Variants in VMP1 observed in about 807,000 individuals in gnomAD.
The protein encoded by VMP1 is vacuole membrane protein 1.
In VMP1, 11 loss-of-function variants were observed where a neutral mutation model predicts 56.0. The ratio of observed to expected loss-of-function variants is 0.20; its 90% CI spans 0.12 to 0.32. The LOEUF is 0.32. VMP1 is among the 10% of genes least tolerant of loss of function. The pLI is 1.00. For missense variants in VMP1, 296 were observed against 490.3 expected, an observed-to-expected ratio of 0.60 and a Z score of 3.74; for synonymous variants, 149 against 165.0, an observed-to-expected ratio of 0.90 and a Z score of 0.74.
chr17:59,767,032 G>T (rs1039103152), intron 6 of VMP1, among the ~76,000 whole-genome samples: 1 of 151,864 alleles, frequency 6.6e-6, no homozygotes, highest in Middle Eastern at 3.2e-3. Context: ...TCCACCAGGC[G>T]TGAGCCACCT....
chr17:59,802,507 A>G (rs1314091732), intron 7 of VMP1, among the ~76,000 whole-genome samples: 2 of 152,334 alleles, frequency 1.3e-5, no homozygotes, highest in East Asian at 3.9e-4. Context: ...TTAAACTTCC[A>G]TAACATATTA....
chr17:59,723,614 A>C (rs1220747311), intron 1 of VMP1, among the ~76,000 whole-genome samples: 1 of 152,230 alleles, frequency 6.6e-6, no homozygotes, highest in Admixed American at 6.5e-5. Context: ...TGGAGCCTGT[A>C]TATGTCGGCA....
chr17:59,803,094 A>G (rs1162259982), intron 7 of VMP1, among the ~76,000 whole-genome samples: 1 of 152,232 alleles, frequency 6.6e-6, no homozygotes, highest in Non-Finnish European at 1.5e-5. Context: ...CGTGAAAATG[A>G]AAATGTTTAC....
At chr17:59,742,679 A>AAC (rs2035271856) in intron 5 of VMP1, among the ~76,000 whole-genome samples, 1 of 152,068 alleles carries the variant, frequency 6.6e-6, no homozygotes, top group Non-Finnish European at 1.5e-5. Context: ...CTGGCCTGTT[A>AAC]GGAACCAGGC....
intron 7 of VMP1, among the ~76,000 whole-genome samples, chr17:59,776,501 G>A (rs1394587398): frequency 3.3e-5 from 5 of 152,138 alleles, no homozygotes; most frequent in Non-Finnish European, 4.4e-5. Context: ...TAAAAATCCA[G>A]TATTTAATAT....
At chr17:59,818,415 A>G (rs1390276357) in intron 10 of VMP1, among the ~76,000 whole-genome samples, 3 of 152,146 alleles carry the variant, frequency 2.0e-5, no homozygotes, top group African/African-American at 7.2e-5. Context: ...GTTAGATGGC[A>G]TAATATTAAC....
In VMP1 at chr17:59,719,179, G is replaced by A. The variant is rs558069060; in HGVS notation, c.-27+11431G>A. ...TTTAGGGAAATCTACAGCTATTTTGGAGTAGTCTAATCCAATTAAGAAAAG... is the reference window on the plus strand; with the variant it reads ...TTTAGGGAAATCTACAGCTATTTTGAAGTAGTCTAATCCAATTAAGAAAAG... On this transcript the variant is annotated intron_variant, in intron 1 of 11. Transcript: ENST00000262291. Among the ~76,000 whole-genome samples, 511 of 152,184 alleles carry A rather than the reference G, an allele frequency of 3.4e-3. 2 individuals are homozygous for A. The highest frequency in any genetic ancestry group is 4.4e-3 in the Non-Finnish European group (296 of 68,016).
intron 6 of VMP1, among the ~76,000 whole-genome samples, chr17:59,773,066 A>G (rs1005341310): frequency 1.4e-5 from 2 of 145,180 alleles, no homozygotes; most frequent in East Asian, 2.1e-4. Flanking sequence ...GGTTCAAGCA[A>G]TTTTCCTGCC....
At chr17:59,747,770 C>G (rs1297090907) in intron 5 of VMP1, among the ~76,000 whole-genome samples, 1 of 151,718 alleles carries the variant, frequency 6.6e-6, no homozygotes, top group Non-Finnish European at 1.5e-5. Flanking sequence ...GGGTGAACAC[C>G]TATCGTCCTA....
chr17:59,830,612 G>T lies in VMP1; in HGVS notation c.975-7683G>T, dbSNP rs1158533740. On this transcript the variant is annotated intron_variant, in intron 10 of 11. Transcript: ENST00000262291. ...CTATCGCCTCCTTACTAGAATTTAT[G>T]TCAGAATGTTTTTCAGGAGGGTAAA... Among the ~76,000 whole-genome samples, 6 of 152,200 alleles carry T rather than the reference G, an allele frequency of 3.9e-5. No individual in the cohort carries two copies. In the East Asian group the frequency reaches 9.6e-4, roughly 24 times the overall value.
At chr17:59,774,383 A>G (rs1265286785) in intron 7 of VMP1, among the ~76,000 whole-genome samples, 1 of 151,294 alleles carries the variant, frequency 6.6e-6, no homozygotes, top group Non-Finnish European at 1.5e-5. Context: ...ATCCCACTGT[A>G]CTCTGGCCTA....
intron 1 of VMP1, among the ~76,000 whole-genome samples, chr17:59,725,278 T>G (rs901237978): frequency 4.6e-5 from 7 of 152,206 alleles, no homozygotes; most frequent in Non-Finnish European, 8.8e-5. Flanking sequence ...TTCAGCTTCT[T>G]AGACAGATCA....
intron 7 of VMP1, among the ~76,000 whole-genome samples, chr17:59,778,487 G>A (rs1414326170): frequency 6.6e-6 from 1 of 151,024 alleles, no homozygotes; most frequent in African/African-American, 2.4e-5. Context: ...AGCTTGCAGT[G>A]AGCCGAGATC....
At chr17:59,808,971 T>TTGTTATG in intron 8 of VMP1, 95 bp downstream of exon 8, 1 of 1,004,892 alleles carries the variant, frequency 1.0e-6, no homozygotes, top group Non-Finnish European at 1.5e-6. Flanking sequence ...GCTATCACTT[T>TTGTTATG]TATTGGGTAT....
chr17:59,824,338 A>T (rs1310101421), intron 10 of VMP1, among the ~76,000 whole-genome samples: 1 of 151,202 alleles, frequency 6.6e-6, no homozygotes, highest in Non-Finnish European at 1.5e-5. Flanking sequence ...TTGGGAGGCC[A>T]AGGCAGGTGT....
chr17:59,795,490 T>A (rs2037407072), intron 7 of VMP1, among the ~76,000 whole-genome samples: 1 of 151,396 alleles, frequency 6.6e-6, no homozygotes, highest in Non-Finnish European at 1.5e-5. Flanking sequence ...ACATCTTTGA[T>A]ATGAACATGT....
chr17:59,774,057 T>C (rs944942844), intron 7 of VMP1, among the ~76,000 whole-genome samples, 172 bp downstream of exon 7: 3 of 150,372 alleles, frequency 2.0e-5, no homozygotes, highest in African/African-American at 7.3e-5. Context: ...ATATAAAAGA[T>C]AATCTTGATC....
At chr17:59,815,791 G>A (rs1184301576) in intron 9 of VMP1, among the ~76,000 whole-genome samples, 2 of 145,832 alleles carry the variant, frequency 1.4e-5, no homozygotes, top group Non-Finnish European at 3.0e-5. Flanking sequence ...AGGAGGCGGA[G>A]GTTGCAGTGA....
chr17:59,763,594 A>G (rs2036134804), intron 5 of VMP1, among the ~76,000 whole-genome samples: 2 of 152,126 alleles, frequency 1.3e-5, no homozygotes, highest in South Asian at 4.1e-4. Context: ...AATATCACAT[A>G]TGTGTGAACA....
Sources: allele counts gnomAD v4.1 joint callset (sites outside exome capture counted in the v4.1 genomes callset), GRCh38; gene constraint gnomAD v4.1.1; transcripts MANE v1.5; gene names NCBI Gene and HGNC (gene_info 2026-07-23, HGNC 2026-07-21).